Variants in CDH8 observed in about 807,000 individuals in gnomAD.
The protein encoded by CDH8 is cadherin 8.
CDH8 carries 17 observed loss-of-function variants against 68.1 expected under a neutral mutation model. That is an observed-to-expected ratio of 0.25 (90% CI 0.17 to 0.37). The LOEUF is 0.37. Among genes scored for constraint, CDH8 ranks in the 10% least tolerant of loss-of-function variants. CDH8 has a pLI of 1.00. For missense variants in CDH8, 763 were observed against 999.3 expected (o/e 0.76, Z 3.19); for synonymous variants, 372 against 365.1 (o/e 1.02, Z -0.21).
chr16:61,795,352 C>T (rs1301139386), intron 7 of CDH8, among the ~76,000 whole-genome samples: 1 of 151,964 alleles, frequency 6.6e-6, no homozygotes, highest in Non-Finnish European at 1.5e-5. Context: ...CTGAGTAGCA[C>T]CACATAAAAT....
chr16:61,773,098 TC>T, intron 8 of CDH8, among the ~76,000 whole-genome samples: 1 of 152,212 alleles, frequency 6.6e-6, no homozygotes, highest in Admixed American at 6.5e-5. Context: ...CATATCTACT[TC>T]ACGTTCCTGA....
At chr16:62,017,288 A>T (rs891826609) in intron 2 of CDH8, among the ~76,000 whole-genome samples, 2 of 152,158 alleles carry the variant, frequency 1.3e-5, no homozygotes. Context: ...GATAATGATT[A>T]TCAGGAAGAA....
chr16:61,739,982 A>G (rs1379517703), intron 8 of CDH8, among the ~76,000 whole-genome samples: 1 of 147,600 alleles, frequency 6.8e-6, no homozygotes, highest in African/African-American at 2.5e-5. Context: ...ATCTCGGCTC[A>G]CTGCAACCTC....
chr16:61,857,011 G>A lies in CDH8; in HGVS notation c.667+108C>T, dbSNP rs1285316479. 4 of 1,248,578 alleles carry A rather than the reference G, an allele frequency of 3.2e-6. No homozygotes were observed. In the African/African-American group the frequency reaches 4.5e-5, roughly 14 times the overall value. 77.3% of individuals were successfully genotyped at this position (1,248,578 alleles called of 1,614,324 possible). On this transcript the variant is annotated intron_variant, in intron 4 of 11. Transcript: ENST00000577390. ...TGTCGCATATTCAAATATTATTGATGCAGGCAGTGAAGTACTTACACATAA... is the reference window on the plus strand; with the variant it reads ...TGTCGCATATTCAAATATTATTGATACAGGCAGTGAAGTACTTACACATAA...
At chr16:61,659,688 G>A (rs191164468) in intron 10 of CDH8, among the ~76,000 whole-genome samples, 16 of 152,148 alleles carry the variant, frequency 1.1e-4, no homozygotes, top group African/African-American at 3.6e-4. Context: ...AGCATCATAT[G>A]CTCTGCCCTA....
chr16:61,944,863 G>A (rs575943081), intron 2 of CDH8, among the ~76,000 whole-genome samples: 9 of 152,194 alleles, frequency 5.9e-5, no homozygotes, highest in African/African-American at 1.7e-4. Context: ...GTTCAAGGAT[G>A]TCTGTCAATA....
intron 2 of CDH8, among the ~76,000 whole-genome samples, chr16:62,018,699 T>A (rs1336361068): frequency 6.6e-6 from 1 of 152,178 alleles, no homozygotes; most frequent in East Asian, 1.9e-4. Flanking sequence ...GAAAATAAAC[T>A]CTGACTTAAC....
chr16:61,703,212 C>G (rs1460030271), intron 10 of CDH8, among the ~76,000 whole-genome samples: 1 of 152,110 alleles, frequency 6.6e-6, no homozygotes, highest in Non-Finnish European at 1.5e-5. Context: ...AAATTATATA[C>G]TACATTGTAG....
At chr16:61,842,840 T>C (rs1962716844) in intron 4 of CDH8, among the ~76,000 whole-genome samples, 1 of 152,196 alleles carries the variant, frequency 6.6e-6, no homozygotes, top group Non-Finnish European at 1.5e-5. Context: ...TTTTCGCTCT[T>C]ACATAAATAT....
intron 7 of CDH8, among the ~76,000 whole-genome samples, chr16:61,808,766 T>A (rs2142998579): frequency 6.6e-6 from 1 of 152,286 alleles, no homozygotes; most frequent in South Asian, 2.1e-4. Flanking sequence ...AACAGTCTTG[T>A]GTAGGGGGTG....
chr16:61,869,380 A>C (rs1445969610), intron 3 of CDH8, among the ~76,000 whole-genome samples: 1 of 152,158 alleles, frequency 6.6e-6, no homozygotes, highest in Non-Finnish European at 1.5e-5. Flanking sequence ...ACCTGCTACT[A>C]GGGAAAGGTG....
intron 8 of CDH8, among the ~76,000 whole-genome samples, chr16:61,777,435 T>C (rs1320102077): frequency 6.6e-6 from 1 of 152,102 alleles, no homozygotes; most frequent in Non-Finnish European, 1.5e-5. Flanking sequence ...GAGAGGGTGG[T>C]TTATAAAGAG....
At chr16:61,792,310 T>C (rs965869813) in intron 7 of CDH8, among the ~76,000 whole-genome samples, 1 of 151,980 alleles carries the variant, frequency 6.6e-6, no homozygotes, top group African/African-American at 2.4e-5. Context: ...GATTACACAA[T>C]AGAAGGAACT....
intron 8 of CDH8, among the ~76,000 whole-genome samples, chr16:61,759,030 T>C (rs568188042): frequency 6.6e-6 from 1 of 152,260 alleles, no homozygotes; most frequent in South Asian, 2.1e-4. Flanking sequence ...GGGCTAAGGA[T>C]AGGGTATGTC....
intron 4 of CDH8, among the ~76,000 whole-genome samples, chr16:61,832,707 A>C (rs949548677): frequency 2.0e-5 from 3 of 151,780 alleles, no homozygotes; most frequent in Admixed American, 6.6e-5. Flanking sequence ...ATAACAAGAA[A>C]AATATTAAGT....
rs937721289 is a variant in CDH8 at position 61,674,985 on chromosome 16, G to A, written c.1655-19264C>T. On this transcript the variant is annotated intron_variant, in intron 10 of 11. Coordinates refer to ENST00000577390, the MANE Select transcript of CDH8 (RefSeq NM_001796.5). ...AAAAAACTATGAGACAATACCAAGT[G>A]GTCTGATATACGTGTAATCAGAGTC... Among the ~76,000 whole-genome samples the A allele has an allele frequency of 2.0e-5, 3 of 151,350 alleles. No individual in the cohort carries two copies. The East Asian group carries it at 5.8e-4, about 29-fold the overall frequency.
chr16:61,693,327 T>C (rs1215302951), intron 10 of CDH8: 4 of 152,134 alleles, frequency 2.6e-5, no homozygotes, highest in African/African-American at 9.7e-5. Flanking sequence ...AAGGTTTTGT[T>C]GAAGCAGAAC....
At chr16:62,008,906 G>A (rs1901736319) in intron 2 of CDH8, among the ~76,000 whole-genome samples, 1 of 150,888 alleles carries the variant, frequency 6.6e-6, no homozygotes, top group African/African-American at 2.4e-5. Flanking sequence ...CTTTGCCAAA[G>A]GAAAGCTCCT....
At chr16:61,993,368 G>A (rs1207031087) in intron 2 of CDH8, among the ~76,000 whole-genome samples, 1 of 152,052 alleles carries the variant, frequency 6.6e-6, no homozygotes, top group Non-Finnish European at 1.5e-5. Flanking sequence ...TTGCCAGGCT[G>A]GAGTGTAATG....
Sources: allele counts gnomAD v4.1 joint callset (sites outside exome capture counted in the v4.1 genomes callset), GRCh38; gene constraint gnomAD v4.1.1; transcripts MANE v1.5; gene names NCBI Gene and HGNC (gene_info 2026-07-23, HGNC 2026-07-21).